The following NUP210 variants were observed in gnomAD, a reference collection of about 807,000 sequenced individuals.
The protein encoded by NUP210 is nuclear pore membrane glycoprotein 210.
NUP210 carries 151 observed loss-of-function variants against 196.0 expected under a neutral mutation model. The ratio of observed to expected loss-of-function variants is 0.77; its 90% confidence interval spans 0.67 to 0.88. The LOEUF (loss-of-function observed/expected upper bound fraction) is 0.88. NUP210 is among the 40% of genes least tolerant of loss of function. NUP210 has a pLI of 0.00. For synonymous variants in NUP210, 1,070 were observed against 1,052.7 expected (o/e 1.02, Z -0.32); for missense variants, 2,314 against 2,493.7 (o/e 0.93, Z 1.53).
chr3:13,346,942 C>T, intron 20 of NUP210: 4 of 913,896 alleles, frequency 4.4e-6, no homozygotes, highest in Non-Finnish European at 5.2e-6. Flanking sequence ...ACACAGGGAC[C>T]CGGCCAGCCC....
Position 13,339,994 on chromosome 3 carries a change from G to A in NUP210, c.3331C>T (p.Leu1111Phe). ...ACGCTCTCATTGCTGATGGAGAAAAGGATGTTGGACTGAGGCTGGGGGCCG... is the reference window on the plus strand; with the variant it reads ...ACGCTCTCATTGCTGATGGAGAAAAAGATGTTGGACTGAGGCTGGGGGCCG... Reference protein sequence around the residue: ...EGGPQPQSNILFSISNESVAL... With the variant: ...EGGPQPQSNIFFSISNESVAL... The change falls in exon 25 of 40, where the codon CTT becomes TTT. Residue 1111 changes from leucine (L) to phenylalanine (F), a missense_variant. By Grantham distance (22) the Leu-to-Phe change is conservative. Coordinates refer to ENST00000254508, the MANE Select transcript of NUP210 (RefSeq NM_024923.4). The A allele has an allele frequency of 1.9e-6, 3 of 1,614,068 alleles. No homozygotes were observed. The highest frequency in any genetic ancestry group is 2.5e-6 in the Non-Finnish European group (3 of 1,180,042).
chr3:13,317,769 G>A lies in NUP210; in HGVS notation c.5576C>T (p.Ser1859Leu), dbSNP rs762023877. The A allele has an allele frequency of 3.2e-5, 52 of 1,609,592 alleles. No individual in the cohort carries two copies. Among genetic ancestry groups the A allele is most frequent in the Middle Eastern group, 3.3e-4 (2 of 6,082 alleles). The change falls in exon 40 of 40, where the codon TCA becomes TTA. Residue 1859 changes from serine (S) to leucine (L), a missense_variant. Coordinates refer to ENST00000254508, the MANE Select transcript of NUP210 (RefSeq NM_024923.4). The stretch of plus-strand genomic sequence containing the variant: ...CAATGCATTGGGAGATGTGGGTGAT[G>A]AGGCAGCGAAATCTAGGGTGGGAAG... Reference protein sequence around the residue: ...PGHSPHYFAASSPTSPNALPP... With the variant: ...PGHSPHYFAALSPTSPNALPP...
intron 29 of NUP210, among the ~76,000 whole-genome samples, chr3:13,332,076 C>T (rs1158284851): frequency 6.6e-6 from 1 of 151,982 alleles, no homozygotes; most frequent in African/African-American, 2.4e-5. Flanking sequence ...TTCTAGGCTA[C>T]AAGGAGGAAA....
chr3:13,418,657 G>C (rs1230332130), intron 1 of NUP210, among the ~76,000 whole-genome samples: 1 of 151,490 alleles, frequency 6.6e-6, no homozygotes, highest in African/African-American at 2.4e-5. Flanking sequence ...GTGTTGTGGC[G>C]GGCGCCTGTA....
chr3:13,347,014 G>T lies in NUP210; in HGVS notation c.2836-3711C>A. ...CCACTGTCCACAGATCAGTCTCAGG[G>T]AAAAGGTGGATGCACCTGACTTCAG... On this transcript the variant is annotated intron_variant, in intron 20 of 39. Coordinates refer to ENST00000254508, the MANE Select transcript of NUP210 (RefSeq NM_024923.4). The surrounding 1 kb of genome is among the most constrained non-coding windows in gnomAD (Gnocchi z 4.7). 1.0e-6 allele frequency: 1 copy of T among 985,404 alleles called. No individual in the cohort carries two copies. Among genetic ancestry groups the T allele is most frequent in the South Asian group, 4.7e-5 (1 of 21,294 alleles). 61.0% of individuals were successfully genotyped at this position (985,404 alleles called of 1,614,324 possible).
At chr3:13,392,185 G>A (rs1380942600) in intron 3 of NUP210, among the ~76,000 whole-genome samples, 1 of 152,190 alleles carries the variant, frequency 6.6e-6, no homozygotes, top group Non-Finnish European at 1.5e-5. Context: ...AAGGTATTTA[G>A]AGTCTGACGG....
rs369324923 is a variant in NUP210, at chr3:13,358,202, C to T, written c.2328+20G>A. On this transcript the variant is annotated intron_variant, in intron 16 of 39. Transcript: ENST00000254508. ...AGCGGGTGGCACCCTCACCTCCTCC[C>T]GAGCATAGCCCACACTCACCACCTG... 33 of 1,579,544 alleles carry T rather than the reference C, an allele frequency of 2.1e-5. No homozygotes were observed. Among genetic ancestry groups the T allele is most frequent in the Non-Finnish European group, 2.5e-5 (29 of 1,157,276 alleles).
intron 20 of NUP210, among the ~76,000 whole-genome samples, chr3:13,349,284 C>T (rs1045098633): frequency 6.6e-6 from 1 of 152,216 alleles, no homozygotes; most frequent in Non-Finnish European, 1.5e-5. Context: ...CCCCAGCTCT[C>T]GGTCAGGTGA....
intron 21 of NUP210, 126 bp from the exon 22 acceptor site, chr3:13,342,249 C>T: frequency 8.2e-7 from 1 of 1,219,460 alleles, no homozygotes; most frequent in South Asian, 1.4e-5. Context: ...TCAGGAGAGT[C>T]ACCCAGGTTG....
At chr3:13,400,206 G>C (rs1699789250) in intron 1 of NUP210, among the ~76,000 whole-genome samples, 1 of 152,336 alleles carries the variant, frequency 6.6e-6, no homozygotes, top group South Asian at 2.1e-4. Context: ...CAGCAGGAAA[G>C]CTGCTCAAGG....
rs1281423576 is a variant in NUP210 at position 13,379,499 on chromosome 3, A to G, written c.976+64T>C. ...CCCTGCCGAGCTTTCAGGGAAAAAA[A>G]GACTTGACTTCCAAACAGCAGCTCC... On this transcript the variant is annotated intron_variant, in intron 7 of 39. Transcript: ENST00000254508. The surrounding 1 kb of genome is among the most constrained non-coding windows in gnomAD (Gnocchi z 4.2). The G allele has an allele frequency of 1.9e-6, 3 of 1,600,056 alleles. No individual in the cohort carries two copies. Among genetic ancestry groups the G allele is most frequent in the Admixed American group, 1.7e-5 (1 of 58,100 alleles).
At chr3:13,320,111 C>T in intron 36 of NUP210, 132 bp from the exon 37 acceptor site, 2 of 809,140 alleles carry the variant, frequency 2.5e-6, no homozygotes, top group Non-Finnish European at 3.9e-6. Flanking sequence ...TTCAGCCTGA[C>T]ATGCTGGGCT....
At chr3:13,335,254 C>T (rs1697162924) in intron 28 of NUP210, among the ~76,000 whole-genome samples, 200 bp downstream of exon 28, 1 of 152,228 alleles carries the variant, frequency 6.6e-6, no homozygotes, top group Non-Finnish European at 1.5e-5. Flanking sequence ...GAAGCCTTTG[C>T]TTGGCCCCAC....
chr3:13,419,876 G>A (rs1700473747), intron 1 of NUP210, among the ~76,000 whole-genome samples, 184 bp downstream of exon 1: 1 of 151,602 alleles, frequency 6.6e-6, no homozygotes, highest in Non-Finnish European at 1.5e-5. Context: ...CCCGGACGGC[G>A]CCATGACATG....
At chr3:13,332,240 G>A (rs929698087) in intron 29 of NUP210, 53 bp downstream of exon 29, 42 of 1,425,402 alleles carry the variant, frequency 2.9e-5, no homozygotes, top group Admixed American at 6.7e-5. Context: ...ATGAGGTGTC[G>A]GATGCAAGCA....
chr3:13,345,661 A>T (rs116782996), intron 20 of NUP210, among the ~76,000 whole-genome samples: 1,546 of 152,354 alleles, frequency 0.01, 18 homozygotes, highest in Middle Eastern at 0.054. Context: ...GTAGATGAAT[A>T]AAGATCCCGG....
intron 4 of NUP210, among the ~76,000 whole-genome samples, chr3:13,389,219 G>C (rs963230583): frequency 6.6e-6 from 1 of 152,230 alleles, no homozygotes; most frequent in South Asian, 2.1e-4. Flanking sequence ...GCTCCAACCC[G>C]CCTTGGCATC....
rs1230748182 is a variant in NUP210 at position 13,319,839 on chromosome 3, G to A, written c.5307C>T (p.Ser1769=). Residue 1769 remains serine, a synonymous_variant, in exon 37 of 40, where the codon TCC becomes TCT. Coordinates refer to ENST00000254508, the MANE Select transcript of NUP210 (RefSeq NM_024923.4). The part of the protein sequence containing the change: ...QGPLSTTLTF[S]SPVTNQAIAI... ...CAATGGCTTGGTTGGTCACGGGGCT[G>A]GAGAAGGTCAGGGTAGTGGACAGAG... The A allele has an allele frequency of 3.7e-6, 6 of 1,614,112 alleles. No homozygotes were observed. Among genetic ancestry groups the A allele is most frequent in the Non-Finnish European group, 5.1e-6 (6 of 1,180,040 alleles).
At position 13,323,254 on chromosome 3, in the gene NUP210, G is replaced by A. The variant is rs1447804918; in HGVS notation, c.4768+55C>T. The A allele has an allele frequency of 1.2e-6, 2 of 1,608,304 alleles. No homozygotes were observed. The highest frequency in any genetic ancestry group is 1.7e-6 in the Non-Finnish European group (2 of 1,176,574). On this transcript the variant is annotated intron_variant, in intron 34 of 39. Transcript: ENST00000254508. This position sits in a 1 kb window ranked among gnomAD's most constrained non-coding sequence, Gnocchi z 4.3. ...AAACTCCATCCAGAGGACACAGGAA[G>A]CCACCTCCCCGCTCCCAGGTACTCT...
Sources: allele counts gnomAD v4.1 joint callset (sites outside exome capture counted in the v4.1 genomes callset), GRCh38; gene constraint gnomAD v4.1.1; non-coding constraint Gnocchi (gnomAD v3.1); transcripts MANE v1.5; gene names NCBI Gene and HGNC (gene_info 2026-07-23, HGNC 2026-07-21).